Variants in VOPP1 observed in about 807,000 individuals in gnomAD.
VOPP1 encodes the protein WW domain binding protein VOPP1.
In VOPP1, 8 loss-of-function variants were observed where a neutral mutation model predicts 23.5. The ratio of observed to expected loss-of-function variants is 0.34; its 90% CI spans 0.20 to 0.61. The LOEUF (loss-of-function observed/expected upper bound fraction) is 0.61, where lower values mean the gene tolerates loss of function less well. Ranked by LOEUF, VOPP1 falls within the 20% of genes least tolerant of loss-of-function variation. The pLI is 0.78. For synonymous variants in VOPP1, 83 were observed against 97.3 expected (o/e 0.85, Z 0.86); for missense variants, 174 against 238.1 (o/e 0.73, Z 1.77).
intron 1 of VOPP1, among the ~76,000 whole-genome samples, chr7:55,525,275 G>A (rs989505678): frequency 6.6e-6 from 1 of 152,094 alleles, no homozygotes; most frequent in African/African-American, 2.4e-5. Flanking sequence ...TGGATCACGA[G>A]TCAGGAGATC....
At chr7:55,457,188 A>G (rs936739181) in intron 4 of VOPP1, among the ~76,000 whole-genome samples, 4 of 152,076 alleles carry the variant, frequency 2.6e-5, no homozygotes, top group Admixed American at 6.6e-5. Context: ...ACAACATGTG[A>G]TATTTGTTTT....
intron 4 of VOPP1, 91 bp downstream of exon 4, chr7:55,492,191 T>C (rs1945164825): frequency 6.8e-7 from 1 of 1,470,312 alleles, no homozygotes; most frequent in Admixed American, 2.5e-5. Context: ...CGCTCTCTTC[T>C]GGCAGTACCC....
chr7:55,493,806 A>T (rs1026705938), intron 3 of VOPP1, among the ~76,000 whole-genome samples: 2 of 151,208 alleles, frequency 1.3e-5, no homozygotes, highest in Admixed American at 6.6e-5. Context: ...GAGCGATGCA[A>T]GAAGAATACT....
chr7:55,468,976 T>C (rs1335789047), downstream of VOPP1, among the ~76,000 whole-genome samples: 2 of 152,226 alleles, frequency 1.3e-5, no homozygotes, highest in Non-Finnish European at 2.9e-5. Context: ...AAATACAGCA[T>C]ATAAAGTGTC....
At chr7:55,504,442 C>T (rs1228353333) in intron 2 of VOPP1, among the ~76,000 whole-genome samples, 3 of 152,190 alleles carry the variant, frequency 2.0e-5, no homozygotes, top group Non-Finnish European at 4.4e-5. Context: ...ATACATGAGC[C>T]TCTGGGGGAG....
chr7:55,501,992 G>A (rs906680469), intron 2 of VOPP1, among the ~76,000 whole-genome samples: 2 of 152,214 alleles, frequency 1.3e-5, no homozygotes, highest in Non-Finnish European at 2.9e-5. Flanking sequence ...AATGCTGGCA[G>A]CCATGCACTT....
At chr7:55,548,293 C>T (rs945750522) in intron 1 of VOPP1, among the ~76,000 whole-genome samples, 18 of 152,348 alleles carry the variant, frequency 1.2e-4, no homozygotes, top group Admixed American at 9.1e-4. Context: ...ATGGGGGCTC[C>T]AGGAAGATCT....
intron 1 of VOPP1, among the ~76,000 whole-genome samples, chr7:55,547,083 T>C (rs1419080612): frequency 6.6e-6 from 1 of 152,238 alleles, no homozygotes; most frequent in Non-Finnish European, 1.5e-5. Context: ...ACCTGGATTT[T>C]AGCAGCCCCA....
At chr7:55,549,389 C>A (rs1797506450) in intron 1 of VOPP1, among the ~76,000 whole-genome samples, 1 of 152,202 alleles carries the variant, frequency 6.6e-6, no homozygotes, top group Admixed American at 6.5e-5. Flanking sequence ...GGGCCCATGG[C>A]TTAATTTCTC....
At chr7:55,493,315 G>C (rs572347467) in intron 3 of VOPP1, 1 of 152,356 alleles carries the variant, frequency 6.6e-6, no homozygotes, top group East Asian at 1.9e-4. Context: ...GGGACCCATG[G>C]AACTGTCCAG....
intron 2 of VOPP1, among the ~76,000 whole-genome samples, chr7:55,512,384 C>T (rs1253116610): frequency 6.6e-6 from 1 of 151,916 alleles, no homozygotes; most frequent in African/African-American, 2.4e-5. Flanking sequence ...CGAGATCGTG[C>T]CACTGCATTC....
chr7:55,545,546 T>C (rs1797330391), intron 1 of VOPP1, among the ~76,000 whole-genome samples: 1 of 152,132 alleles, frequency 6.6e-6, no homozygotes, highest in South Asian at 2.1e-4. Flanking sequence ...GAATTCACCT[T>C]AGGATAAACA....
In VOPP1 at chr7:55,471,348, G is replaced by A. The variant is rs1341403878; in HGVS notation, c.*1507C>T. The A allele has an allele frequency of 2.0e-5, 3 of 151,452 alleles. No homozygotes were observed. Among genetic ancestry groups the A allele is most frequent in the Non-Finnish European group, 4.4e-5 (3 of 67,870 alleles). 9.4% of individuals were successfully genotyped at this position (151,452 alleles called of 1,614,324 possible). A position where few individuals can be genotyped will look rare whatever the true frequency, so the allele number is the denominator to read the frequency against. ...AAGTGTCTCCCACAAAATTCCCCAGGAGGTTCTCCGATTAAATGTCCTCAG... is the reference window on the plus strand; with the variant it reads ...AAGTGTCTCCCACAAAATTCCCCAGAAGGTTCTCCGATTAAATGTCCTCAG... On this transcript the variant is annotated 3_prime_UTR_variant, in exon 5 of 5. Transcript: ENST00000285279.
chr7:55,453,295 C>T (rs1039019867), intron 4 of VOPP1, among the ~76,000 whole-genome samples: 10 of 152,204 alleles, frequency 6.6e-5, no homozygotes, highest in African/African-American at 1.7e-4. Context: ...ACTGGAATAG[C>T]GCTTTTAATT....
intron 1 of VOPP1, chr7:55,521,489 C>T: frequency 9.9e-7 from 1 of 1,012,302 alleles, no homozygotes; most frequent in Non-Finnish European, 1.2e-6. Flanking sequence ...GCCACTGCCC[C>T]CCAATTTCTG....
At position 55,533,222 on chromosome 7, in the gene VOPP1, G is replaced by A. The variant is rs113844116; in HGVS notation, c.55-12092C>T. On this transcript the variant is annotated intron_variant, in intron 1 of 4. Transcript: ENST00000285279. ...AAGCTGGTTCAGTCAGCTGCCTCCAGGTCAGACCAGTGAGGATGGAGGCCG... is the reference window on the plus strand; with the variant it reads ...AAGCTGGTTCAGTCAGCTGCCTCCAAGTCAGACCAGTGAGGATGGAGGCCG... 3.1e-3 allele frequency among the ~76,000 whole-genome samples: 478 copies of A among 152,286 alleles called. 3 individuals are homozygous for A. The highest frequency in any genetic ancestry group is 5.7e-3 in the Non-Finnish European group (385 of 68,028).
At chr7:55,565,062 ATATAG>A in intron 1 of VOPP1, among the ~76,000 whole-genome samples, 1 of 152,226 alleles carries the variant, frequency 6.6e-6, no homozygotes, top group Non-Finnish European at 1.5e-5. Flanking sequence ...GTTTTGAAGT[ATATAG>A]CTGTACTTCC....
chr7:55,499,795 A>G (rs890545553), intron 2 of VOPP1, among the ~76,000 whole-genome samples: 10 of 152,118 alleles, frequency 6.6e-5, no homozygotes, highest in South Asian at 2.1e-4. Context: ...CATGCTGGAG[A>G]TGAGTGCAGG....
intron 3 of VOPP1, chr7:55,493,305 G>T (rs1408830820): frequency 6.6e-6 from 1 of 152,196 alleles, no homozygotes; most frequent in Non-Finnish European, 1.5e-5. Context: ...AAATTATGAG[G>T]GGACCCATGG....
Sources: gnomAD v4.1 joint callset for allele counts (sites outside exome capture counted in the v4.1 genomes callset) on GRCh38, gnomAD v4.1.1 for gene constraint, MANE v1.5 for transcripts, NCBI Gene and HGNC (gene_info 2026-07-23, HGNC 2026-07-21) for gene names.